Variants in MIA2 observed in about 807,000 individuals in gnomAD.
MIA2 encodes MIA SH3 domain ER export factor 2.
Under a neutral mutation model 167.8 loss-of-function variants are expected in MIA2, and 127 were observed. That is an observed-to-expected ratio of 0.76 (90% CI 0.66 to 0.88). MIA2 has a LOEUF of 0.88. MIA2 is among the 40% of genes least tolerant of loss of function. The pLI, the probability that MIA2 is intolerant of heterozygous loss-of-function variation, is 0.00. For missense variants in MIA2, 1,690 were observed against 1,624.7 expected (o/e 1.04, Z -0.69); for synonymous variants, 552 against 541.9 (o/e 1.02, Z -0.26).
chr14:39,242,150 A>T (rs1379076460), intron 3 of MIA2, among the ~76,000 whole-genome samples: 1 of 152,192 alleles, frequency 6.6e-6, no homozygotes, highest in African/African-American at 2.4e-5. Context: ...TACATTCATT[A>T]TATGCAGTTT....
downstream of MIA2, among the ~76,000 whole-genome samples, chr14:39,353,799 G>T (rs1035575674): frequency 1.3e-5 from 2 of 152,132 alleles, no homozygotes; most frequent in African/African-American, 4.8e-5. Flanking sequence ...CCACCTATGA[G>T]TGAGAATATG....
chr14:39,253,410 A>G (rs2054663734), intron 6 of MIA2: 1 of 544,968 alleles, frequency 1.8e-6, no homozygotes. Flanking sequence ...TTTGCTTTTT[A>G]CTCCACCCTC....
At chr14:39,347,355 C>T (rs57781286) in intron 26 of MIA2, among the ~76,000 whole-genome samples, 43,783 of 151,394 alleles carry the variant, frequency 0.29, 6,582 homozygotes, top group East Asian at 0.5. Flanking sequence ...GGAATAAGGA[C>T]GGAAGGAAGA....
chr14:39,245,776 G>A (rs954557540), intron 3 of MIA2, among the ~76,000 whole-genome samples: 7 of 152,098 alleles, frequency 4.6e-5, no homozygotes, highest in African/African-American at 1.2e-4. Context: ...TAACAAGCCC[G>A]CTCATGTAGT....
chr14:39,281,437 T>C (rs1355033626), intron 9 of MIA2, among the ~76,000 whole-genome samples: 1 of 152,172 alleles, frequency 6.6e-6, no homozygotes, highest in Non-Finnish European at 1.5e-5. Flanking sequence ...TTGCCAATAG[T>C]TTTCACTTAT....
At chr14:39,318,039 A>G in intron 22 of MIA2, 28 bp downstream of exon 22, 1 of 1,492,160 alleles carries the variant, frequency 6.7e-7, no homozygotes, top group Non-Finnish European at 9.1e-7. Context: ...AACATTTAAA[A>G]TTAGTTATTC....
chr14:39,296,264 GGAAAT>G (rs1274225819), intron 13 of MIA2, among the ~76,000 whole-genome samples: 1 of 151,944 alleles, frequency 6.6e-6, no homozygotes, highest in Non-Finnish European at 1.5e-5. Flanking sequence ...TTACATGCCT[GGAAAT>G]GTCTTGTTTC....
At chr14:39,358,909 G>T (rs181152259) in intron 23 of MIA2, among the ~76,000 whole-genome samples, 1 of 152,284 alleles carries the variant, frequency 6.6e-6, no homozygotes, top group African/African-American at 2.4e-5. Flanking sequence ...TCGTTCCTCT[G>T]AAAGTTTTGT....
intron 23 of MIA2, among the ~76,000 whole-genome samples, chr14:39,357,856 T>C: frequency 7.2e-6 from 1 of 139,500 alleles, no homozygotes; most frequent in Non-Finnish European, 1.5e-5. Flanking sequence ...AAAATTCTTT[T>C]CTTTAAGAAT....
intron 9 of MIA2, among the ~76,000 whole-genome samples, chr14:39,288,465 A>ATTTTTTT (rs1410286393): frequency 9.4e-5 from 4 of 42,684 alleles, no homozygotes; most frequent in African/African-American, 4.3e-4. Flanking sequence ...ATATATATAT[A>ATTTTTTT]TATATATATA....
chr14:39,329,547 G>A (rs1237415265), intron 25 of MIA2, among the ~76,000 whole-genome samples: 3 of 152,138 alleles, frequency 2.0e-5, no homozygotes, highest in African/African-American at 7.2e-5. Flanking sequence ...GGTTTTCAAA[G>A]GGAATTCTTC....
At chr14:39,365,622 T>C (rs1416048173) in intron 23 of MIA2, among the ~76,000 whole-genome samples, 1 of 152,004 alleles carries the variant, frequency 6.6e-6, no homozygotes, top group Admixed American at 6.6e-5. Flanking sequence ...AATTCTTTCA[T>C]TCTAGGATAC....
chr14:39,266,696 G>A lies in MIA2; in HGVS notation c.1888-10238G>A, dbSNP rs1239145624. ...CCATTTTTCTGACTGGAATGACGGC[G>A]GCGGCTGGCTTCTCGGGGCTGCCGG... On this transcript the variant is annotated intron_variant, in intron 6 of 28. Transcript: ENST00000640607. 31 of 985,608 alleles carry A rather than the reference G, an allele frequency of 3.1e-5. No individual in the cohort carries two copies. In the East Asian group the frequency reaches 3.0e-3, roughly 94 times the overall value. 61.1% of individuals were successfully genotyped at this position (985,608 alleles called of 1,614,324 possible).
intron 9 of MIA2, among the ~76,000 whole-genome samples, chr14:39,287,197 C>A (rs991117195): frequency 6.6e-6 from 1 of 152,106 alleles, no homozygotes; most frequent in African/African-American, 2.4e-5. Context: ...CCTTAGCCTC[C>A]CAAGTAGCTG....
chr14:39,312,185 T>G (rs73277488), intron 18 of MIA2, among the ~76,000 whole-genome samples: 3,878 of 152,282 alleles, frequency 0.025, 154 homozygotes, highest in African/African-American at 0.083. Flanking sequence ...TAATTTCTAT[T>G]ATTAATAGGC....
chr14:39,236,783 T>C (rs1337325892), intron 1 of MIA2, 139 bp from the exon 2 acceptor site: 1 of 774,024 alleles, frequency 1.3e-6, no homozygotes, highest in African/African-American at 1.8e-5. Context: ...GAAGGCTATG[T>C]AGGTTTTTGA....
At chr14:39,269,080 T>G (rs1017878740) in intron 6 of MIA2, 26 of 654,748 alleles carry the variant, frequency 4.0e-5, no homozygotes, top group African/African-American at 1.7e-4. Flanking sequence ...CACAGTTTTT[T>G]TTTTTTTTTT....
At chr14:39,287,835 A>G (rs1183459338) in intron 9 of MIA2, among the ~76,000 whole-genome samples, 1 of 152,118 alleles carries the variant, frequency 6.6e-6, no homozygotes, top group Non-Finnish European at 1.5e-5. Flanking sequence ...TGCTGGGATT[A>G]CAGGCATGAG....
At chr14:39,385,925 A>C in intron 23 of MIA2, 1 of 857,330 alleles carries the variant, frequency 1.2e-6, no homozygotes, top group Admixed American at 1.8e-5. Flanking sequence ...CTTCTTCCTA[A>C]ACTGGTGGGG....
Sources: allele counts gnomAD v4.1 joint callset (sites outside exome capture counted in the v4.1 genomes callset), GRCh38; gene constraint gnomAD v4.1.1; transcripts MANE v1.5; gene names NCBI Gene and HGNC (gene_info 2026-07-23, HGNC 2026-07-21).